The following CYP2C19 variants were observed in gnomAD, a reference collection of about 807,000 sequenced individuals.
CYP2C19 encodes cytochrome P450 family 2 subfamily C member 19.
In CYP2C19, 59 loss-of-function variants were observed where a neutral mutation model predicts 40.9. That is an observed-to-expected ratio of 1.44 (90% CI 1.17 to 1.79). The LOEUF is 1.79. Among genes scored for constraint, CYP2C19 ranks in the 40% most tolerant of loss-of-function variants. The pLI is 0.00. For missense variants in CYP2C19, 754 were observed against 596.9 expected, an observed-to-expected ratio of 1.26 and a Z score of -2.74; for synonymous variants, 253 against 208.7, an observed-to-expected ratio of 1.21 and a Z score of -1.83.
At chr10:94,791,995 T>C (rs1274835810) in intron 5 of CYP2C19, among the ~76,000 whole-genome samples, 5 of 151,968 alleles carry the variant, frequency 3.3e-5, no homozygotes, top group Non-Finnish European at 5.9e-5. Context: ...TGTGTGGGAG[T>C]CTAAGTCTCT....
chr10:94,795,516 C>T (rs1339617745), intron 5 of CYP2C19, among the ~76,000 whole-genome samples: 2 of 151,986 alleles, frequency 1.3e-5, no homozygotes, highest in East Asian at 1.9e-4. Context: ...TGGGTATTTA[C>T]CCAGTAATGG....
intron 5 of CYP2C19, among the ~76,000 whole-genome samples, chr10:94,815,984 T>C (rs1706896178): frequency 6.6e-6 from 1 of 152,192 alleles, no homozygotes; most frequent in African/African-American, 2.4e-5. Flanking sequence ...TGTGGTTGTC[T>C]ACAGGTAATA....
intron 6 of CYP2C19, among the ~76,000 whole-genome samples, chr10:94,827,828 GT>G (rs1436668735): frequency 1.3e-5 from 2 of 152,060 alleles, no homozygotes; most frequent in East Asian, 1.9e-4. Context: ...TCTACACACT[GT>G]TTTGAATGCA....
intron 1 of CYP2C19, among the ~76,000 whole-genome samples, chr10:94,765,770 A>G (rs954279226): frequency 5.9e-5 from 9 of 152,090 alleles, no homozygotes; most frequent in African/African-American, 1.7e-4. Flanking sequence ...GAAGCGGACA[A>G]TCCATCTGGA....
In CYP2C19 at chr10:94,854,375, T is replaced by C. The variant is rs915087188; in HGVS notation, c.*1461T>C. Among the ~76,000 whole-genome samples the C allele has an allele frequency of 2.0e-5, 3 of 152,134 alleles. No individual in the cohort carries two copies. Among genetic ancestry groups the C allele is most frequent in the Non-Finnish European group, 4.4e-5 (3 of 68,026 alleles). On this transcript the variant is annotated 3_prime_UTR_variant, in exon 9 of 9. Transcript: ENST00000371321. ...TTAATCTTTTTCAGCTTCTCCTATA[T>C]TGTTTTAGTTTTAACATTAGTGGGA...
chr10:94,789,258 G>A (rs564469523), intron 5 of CYP2C19, among the ~76,000 whole-genome samples: 1 of 151,698 alleles, frequency 6.6e-6, no homozygotes, highest in Admixed American at 6.6e-5. Flanking sequence ...TTTGTCAGAT[G>A]GATAGATTGC....
At chr10:94,832,720 G>C (rs545235025) in intron 6 of CYP2C19, among the ~76,000 whole-genome samples, 196 of 151,318 alleles carry the variant, frequency 1.3e-3, no homozygotes, top group Admixed American at 2.0e-3. Flanking sequence ...TGTTTTTTTT[G>C]CTTATGATAG....
At chr10:94,809,896 T>A (rs1221615054) in intron 5 of CYP2C19, among the ~76,000 whole-genome samples, 19 of 152,142 alleles carry the variant, frequency 1.2e-4, no homozygotes. Context: ...TATTTATTTA[T>A]TTTGAGACAG....
At chr10:94,783,123 C>T (rs1848500136) in intron 5 of CYP2C19, among the ~76,000 whole-genome samples, 1 of 151,758 alleles carries the variant, frequency 6.6e-6, no homozygotes, top group South Asian at 2.1e-4. Context: ...ATAACAATAA[C>T]AAAAATCTAC....
intron 5 of CYP2C19, among the ~76,000 whole-genome samples, chr10:94,782,815 T>A: frequency 6.6e-6 from 1 of 152,108 alleles, no homozygotes; most frequent in Admixed American, 6.5e-5. Context: ...TGCAGGGACA[T>A]AGATGAAGCT....
chr10:94,773,204 T>A (rs1445855678), intron 1 of CYP2C19, among the ~76,000 whole-genome samples: 1 of 152,166 alleles, frequency 6.6e-6, no homozygotes, highest in Non-Finnish European at 1.5e-5. Flanking sequence ...TAGGCAAAAG[T>A]CCCTTCATTG....
chr10:94,853,065 A>G lies in CYP2C19; in HGVS notation c.*151A>G. 1 of 804,456 alleles carries G rather than the reference A, an allele frequency of 1.2e-6. No individual in the cohort carries two copies. The highest frequency in any genetic ancestry group is 1.9e-6 in the Non-Finnish European group (1 of 517,340). 49.8% of individuals were successfully genotyped at this position (804,456 alleles called of 1,614,324 possible). ...AGTGAACATTCAGCCTCCATTAAAA[A>G]AGTTTCACTGTGCAAATATATCTGC... On this transcript the variant is annotated 3_prime_UTR_variant, in exon 9 of 9. Coordinates refer to ENST00000371321, the MANE Select transcript of CYP2C19 (RefSeq NM_000769.4).
intron 6 of CYP2C19, among the ~76,000 whole-genome samples, chr10:94,824,037 C>G (rs1849171657): frequency 6.6e-6 from 1 of 152,164 alleles, no homozygotes; most frequent in Non-Finnish European, 1.5e-5. Context: ...TTTCAAACAT[C>G]TGCCTGAACA....
intron 5 of CYP2C19, among the ~76,000 whole-genome samples, chr10:94,799,230 T>C (rs1848731199): frequency 6.6e-6 from 1 of 152,140 alleles, no homozygotes; most frequent in African/African-American, 2.4e-5. Flanking sequence ...TTTGCTTGTC[T>C]ATAAAGGATT....
rs372709413 is a variant in CYP2C19 at position 94,762,910 on chromosome 10, T to C, written c.168+37T>C. The C allele has an allele frequency of 3.1e-5, 48 of 1,566,522 alleles. No homozygotes were observed. The African/African-American group carries it at 5.8e-4, about 19-fold the overall frequency. On this transcript the variant is annotated intron_variant, in intron 1 of 8. Transcript: ENST00000371321. ...CCTTCAGTGGCTTGCAAAAGGTAAG[T>C]AAATTCACCTGTATTTTTTAAATAA...
intron 5 of CYP2C19, among the ~76,000 whole-genome samples, chr10:94,787,184 A>G (rs1848553393): frequency 6.6e-6 from 1 of 151,954 alleles, no homozygotes; most frequent in Non-Finnish European, 1.5e-5. Flanking sequence ...TTTTAATCAT[A>G]TCCATTCTGA....
chr10:94,818,383 G>A (rs1053528241), intron 5 of CYP2C19, among the ~76,000 whole-genome samples: 4 of 151,760 alleles, frequency 2.6e-5, no homozygotes, highest in Non-Finnish European at 4.4e-5. Flanking sequence ...GCTCTTTTTT[G>A]GTTCCATATG....
At chr10:94,769,400 C>T (rs1848296370) in intron 1 of CYP2C19, among the ~76,000 whole-genome samples, 2 of 152,106 alleles carry the variant, frequency 1.3e-5, no homozygotes, top group Non-Finnish European at 1.5e-5. Context: ...CTGAGGGATC[C>T]TCAAAGGCAA....
chr10:94,793,646 A>G (rs916349438), intron 5 of CYP2C19, among the ~76,000 whole-genome samples: 2 of 152,070 alleles, frequency 1.3e-5, no homozygotes, highest in Non-Finnish European at 2.9e-5. Context: ...GTTTGCCTGG[A>G]TATCACCAGT....
Sources: allele counts gnomAD v4.1 joint callset (sites outside exome capture counted in the v4.1 genomes callset), GRCh38; gene constraint gnomAD v4.1.1; transcripts MANE v1.5; gene names NCBI Gene and HGNC (gene_info 2026-07-23, HGNC 2026-07-21).